The following DCUN1D4 variants were observed in gnomAD, a reference collection of about 807,000 sequenced individuals.
DCUN1D4 encodes defective in cullin neddylation 1 domain containing 4, also known as DCN1-like protein 4.
A neutral mutation model predicts 47.9 loss-of-function variants in DCUN1D4; 22 were observed. The ratio of observed to expected loss-of-function variants is 0.46; its 90% CI spans 0.33 to 0.66. The LOEUF is 0.66. Ranked by LOEUF, DCUN1D4 falls within the 30% of genes least tolerant of loss-of-function variation. The pLI, the probability that DCUN1D4 is intolerant of heterozygous loss-of-function variation, is 0.02. For missense variants in DCUN1D4, 301 were observed against 340.8 expected, an observed-to-expected ratio of 0.88 and a Z score of 0.92; for synonymous variants, 121 against 112.2, an observed-to-expected ratio of 1.08 and a Z score of -0.50.
chr4:51,856,929 G>A (rs559506900), intron 1 of DCUN1D4, among the ~76,000 whole-genome samples: 1 of 152,268 alleles, frequency 6.6e-6, no homozygotes, highest in African/African-American at 2.4e-5. Flanking sequence ...CTCCAGCATT[G>A]GAATAGATCT....
chr4:51,885,240 A>G (rs1729274922), intron 5 of DCUN1D4, among the ~76,000 whole-genome samples: 2 of 152,306 alleles, frequency 1.3e-5, no homozygotes, highest in South Asian at 4.1e-4. Flanking sequence ...AGACTCTGGA[A>G]TTAGGAGATC....
intron 2 of DCUN1D4, 55 bp downstream of exon 2, chr4:51,863,562 A>G (rs1725417967): frequency 3.8e-6 from 6 of 1,577,566 alleles, no homozygotes; most frequent in Non-Finnish European, 5.2e-6. Flanking sequence ...GTCATTTTGT[A>G]TAAGTGTATT....
chr4:51,860,733 G>A (rs897101436), intron 1 of DCUN1D4: 7 of 431,784 alleles, frequency 1.6e-5, no homozygotes, highest in African/African-American at 8.1e-5. Flanking sequence ...CTCAAAGACA[G>A]CACTAAGCCA....
intron 1 of DCUN1D4, among the ~76,000 whole-genome samples, chr4:51,855,846 A>G (rs1243389307): frequency 6.6e-6 from 1 of 152,180 alleles, no homozygotes; most frequent in Middle Eastern, 3.2e-3. Context: ...TCTGAAACCC[A>G]TGGAAAAGAG....
intron 8 of DCUN1D4, among the ~76,000 whole-genome samples, chr4:51,910,242 T>C (rs1733523187): frequency 1.3e-5 from 2 of 152,166 alleles, no homozygotes; most frequent in Admixed American, 6.5e-5. Flanking sequence ...CCGCTTGTAG[T>C]TCTGGAATGG....
At position 51,916,670 on chromosome 4, in the gene DCUN1D4, C is replaced by T. The variant is rs1734354720; in HGVS notation, c.*3086C>T. On this transcript the variant is annotated 3_prime_UTR_variant, in exon 11 of 11. Transcript: ENST00000334635. ...TATAACTGTGAATGCTTCGTGTCGT[C>T]AGTATTTGCATTACATTCATAAAAG... 6.6e-6 allele frequency: 1 copy of T among 152,524 alleles called. No homozygotes were observed. Among genetic ancestry groups the T allele is most frequent in the Non-Finnish European group, 1.5e-5 (1 of 67,992 alleles). 9.4% of individuals were successfully genotyped at this position (152,524 alleles called of 1,614,324 possible).
At chr4:51,890,185 C>T (rs1730196856) in intron 6 of DCUN1D4, among the ~76,000 whole-genome samples, 1 of 152,116 alleles carries the variant, frequency 6.6e-6, no homozygotes, top group Admixed American at 6.5e-5. Flanking sequence ...AATCTCCTAA[C>T]TACTCTTGTT....
intron 4 of DCUN1D4, among the ~76,000 whole-genome samples, chr4:51,876,979 C>G (rs1445790362): frequency 6.6e-6 from 1 of 151,962 alleles, no homozygotes; most frequent in Non-Finnish European, 1.5e-5. Context: ...AAGCTATTGC[C>G]TCCTCTTCCC....
intron 5 of DCUN1D4, among the ~76,000 whole-genome samples, chr4:51,882,793 T>C (rs935199650): frequency 2.6e-5 from 4 of 151,706 alleles, no homozygotes; most frequent in Non-Finnish European, 1.5e-5. Context: ...AATAAAAGAA[T>C]AAGTTGCACA....
rs763108332 is a variant in DCUN1D4, at chr4:51,863,653, G to A, written c.97-17G>A. 2.1e-5 allele frequency: 34 copies of A among 1,611,826 alleles called. No homozygotes were observed. The Admixed American group carries it at 2.5e-4, about 12-fold the overall frequency. On this transcript the variant is annotated splice_polypyrimidine_tract_variant and intron_variant, in intron 2 of 10. Coordinates refer to ENST00000334635, the MANE Select transcript of DCUN1D4 (RefSeq NM_001040402.3). ...CGGTATGTGATTTCTTCGTAATAACGAACATATTTCTTTCAGAACCTAACA... is the reference window on the plus strand; with the variant it reads ...CGGTATGTGATTTCTTCGTAATAACAAACATATTTCTTTCAGAACCTAACA...
intron 1 of DCUN1D4, chr4:51,845,067 T>G: frequency 2.0e-6 from 2 of 985,484 alleles, no homozygotes; most frequent in Non-Finnish European, 2.4e-6. Context: ...TTTTGTGGCC[T>G]TACTTGTGGA....
At chr4:51,850,200 G>T (rs978741624) in intron 1 of DCUN1D4, among the ~76,000 whole-genome samples, 1 of 152,156 alleles carries the variant, frequency 6.6e-6, no homozygotes. Context: ...TAAATCTCTC[G>T]TTTTTACTGA....
At chr4:51,834,042 T>C in the DCUN1D4 span, among the ~76,000 whole-genome samples, 6 of 51,902 alleles carry the variant, frequency 1.2e-4, no homozygotes, top group East Asian at 1.0e-3. Flanking sequence ...TTAGGAGTCT[T>C]TCTCTCTCTC....
upstream of DCUN1D4, among the ~76,000 whole-genome samples, chr4:51,839,380 C>G (rs1721575829): frequency 6.6e-6 from 1 of 152,100 alleles, no homozygotes; most frequent in African/African-American, 2.4e-5. Flanking sequence ...GTTAACTTAC[C>G]TGTAGATTGG....
At chr4:51,843,510 C>T in intron 1 of DCUN1D4, 1 of 1,277,866 alleles carries the variant, frequency 7.8e-7, no homozygotes, top group Non-Finnish European at 9.9e-7. Flanking sequence ...GGGGTGGGGA[C>T]TGGCTCTCTT....
intron 3 of DCUN1D4, 77 bp downstream of exon 3, chr4:51,863,786 C>A: frequency 2.1e-6 from 3 of 1,431,680 alleles, no homozygotes; most frequent in Non-Finnish European, 2.9e-6. Flanking sequence ...GCTATGAATG[C>A]GCTATGTTGT....
intron 1 of DCUN1D4, among the ~76,000 whole-genome samples, chr4:51,859,344 G>T (rs1296659233): frequency 6.6e-6 from 1 of 152,018 alleles, no homozygotes; most frequent in Non-Finnish European, 1.5e-5. Context: ...TCTTGTCCCA[G>T]TTATATTTTG....
chr4:51,908,942 G>A, intron 8 of DCUN1D4: 1 of 456,300 alleles, frequency 2.2e-6, no homozygotes, highest in South Asian at 1.5e-5. Context: ...GTTAGTGATT[G>A]CGAGCTGCTG....
intron 8 of DCUN1D4, among the ~76,000 whole-genome samples, chr4:51,905,578 G>A (rs1732762750): frequency 6.6e-6 from 1 of 152,034 alleles, no homozygotes; most frequent in Admixed American, 6.6e-5. Flanking sequence ...TTTTAAAAAA[G>A]GACCTAGTGA....
Sources: allele counts gnomAD v4.1 joint callset (sites outside exome capture counted in the v4.1 genomes callset), GRCh38; gene constraint gnomAD v4.1.1; transcripts MANE v1.5; gene names NCBI Gene and HGNC (gene_info 2026-07-23, HGNC 2026-07-21).